PRUNE2: variants seen among roughly 807,000 people sequenced by gnomAD.
PRUNE2 encodes the protein prune homolog 2 with BCH domain, also known as protein prune homolog 2.
In PRUNE2, 164 loss-of-function variants were observed where a neutral mutation model predicts 252.0. The ratio of observed to expected loss-of-function variants is 0.65; its 90% confidence interval spans 0.57 to 0.74. PRUNE2 has a LOEUF of 0.74. Among genes scored for constraint, PRUNE2 ranks in the 30% least tolerant of loss-of-function variants. The pLI, the probability that PRUNE2 is intolerant of heterozygous loss-of-function variation, is 0.00. For synonymous variants in PRUNE2, 1,292 were observed against 1,350.2 expected (o/e 0.96, Z 0.94); for missense variants, 3,495 against 3,711.0 (o/e 0.94, Z 1.51).
Position 76,652,582 on chromosome 9 carries a change from G to C in PRUNE2, c.8458C>G (p.Leu2820Val), listed in dbSNP as rs749364000. Residue 2820 changes from leucine to valine, a missense_variant, in exon 11 of 19, where the codon CTC becomes GTC. By Grantham distance (32) the Leu-to-Val change is conservative. Transcript: ENST00000376718. Reference sequence around the variant, plus strand: ...GGACTGTCCAAGTTATCATCAGAGAGAATAGATCCTTCACTTTGGTCCAGA... The same window carrying C: ...GGACTGTCCAAGTTATCATCAGAGACAATAGATCCTTCACTTTGGTCCAGA... The part of the protein sequence containing the change: ...LSLDQSEGSI[L>V]SDDNLDSPDE... 13 of 1,612,512 alleles carry C rather than the reference G, an allele frequency of 8.1e-6. No individual in the cohort carries two copies. In the East Asian group the frequency reaches 2.9e-4, roughly 36 times the overall value.
chr9:76,645,579 G>A (rs73456048), intron 11 of PRUNE2, among the ~76,000 whole-genome samples: 2,390 of 151,758 alleles, frequency 0.016, 64 homozygotes, highest in African/African-American at 0.054. Flanking sequence ...CAAATTGATG[G>A]GTGCATAAGA....
intron 6 of PRUNE2, among the ~76,000 whole-genome samples, chr9:76,812,984 C>T (rs1289086831): frequency 6.6e-6 from 1 of 152,296 alleles, no homozygotes; most frequent in East Asian, 1.9e-4. Context: ...TCAAAACTCA[C>T]CCCTTCTTAA....
rs558143216 is a variant in PRUNE2 at position 76,883,662 on chromosome 9, T to C, written c.36+22266A>G. Among the ~76,000 whole-genome samples the C allele has an allele frequency of 1.3e-5, 2 of 152,356 alleles. 1 individual carries two copies. Among genetic ancestry groups the C allele is most frequent in the South Asian group, 4.1e-4 (2 of 4,828 alleles). Reference sequence around the variant, plus strand: ...AGGAATTTCAGACACAAGGAGGCACTTGACTGACGCCTGACTCCCTTTTTC... The same window carrying C: ...AGGAATTTCAGACACAAGGAGGCACCTGACTGACGCCTGACTCCCTTTTTC... On this transcript the variant is annotated intron_variant, in intron 1 of 18. Coordinates refer to ENST00000376718, the MANE Select transcript of PRUNE2 (RefSeq NM_015225.3).
intron 9 of PRUNE2, among the ~76,000 whole-genome samples, chr9:76,660,911 T>C (rs558021531): frequency 4.6e-5 from 7 of 151,602 alleles, no homozygotes; most frequent in Admixed American, 1.3e-4. Flanking sequence ...AAAGATGAGC[T>C]CATATAAAAA....
At chr9:76,665,350 G>A (rs912426858) in intron 9 of PRUNE2, among the ~76,000 whole-genome samples, 4 of 152,018 alleles carry the variant, frequency 2.6e-5, no homozygotes, top group African/African-American at 9.7e-5. Context: ...ACAGAATCGG[G>A]ATCTGGGACC....
chr9:76,856,767 T>TTTTG (rs200120428), intron 1 of PRUNE2, among the ~76,000 whole-genome samples: 1 of 152,056 alleles, frequency 6.6e-6, no homozygotes, highest in African/African-American at 2.4e-5. Context: ...TCTTTTTTTT[T>TTTTG]TTCCAAGATG....
chr9:76,754,991 CAAAAAAACAAAA>C (rs2050996131), intron 6 of PRUNE2, among the ~76,000 whole-genome samples: 1 of 145,970 alleles, frequency 6.9e-6, no homozygotes, highest in Non-Finnish European at 1.5e-5. Flanking sequence ...AAAAAAAACC[CAAAAAAACAAAA>C]GCAAAAACAA....
chr9:76,617,166 C>T (rs1351684314), intron 18 of PRUNE2, among the ~76,000 whole-genome samples: 2 of 152,094 alleles, frequency 1.3e-5, no homozygotes, highest in African/African-American at 4.8e-5. Context: ...AAATGAGGTT[C>T]CTTACAAACT....
chr9:76,711,142 G>T lies in PRUNE2; in HGVS notation c.1132C>A (p.Leu378Ile), dbSNP rs185829648. ...ATAATCCCAGAAGACCCCTGGGAGA[G>T]GGGGGCACTGCCTGCCACGGCTTCT... is the stretch of plus-strand genomic sequence containing the variant. The part of the protein sequence containing the change: ...STEAVAGSAP[L>I]SQGSSGIMEL... Residue 378 changes from leucine (L) to isoleucine (I), a missense_variant, in exon 8 of 19, where the codon CTC (leucine) becomes ATC (isoleucine). By Grantham distance (5) the Leu-to-Ile change is conservative (BLOSUM62 2). Coordinates refer to ENST00000376718, the MANE Select transcript of PRUNE2 (RefSeq NM_015225.3). The T allele has an allele frequency of 6.2e-7, 1 of 1,613,660 alleles. No individual in the cohort carries two copies. The highest frequency in any genetic ancestry group is 1.7e-5 in the Admixed American group (1 of 59,992).
rs1246180435 is a variant in PRUNE2 at position 76,709,399 on chromosome 9, C to T, written c.2875G>A (p.Val959Met). The T allele has an allele frequency of 6.2e-7, 1 of 1,613,992 alleles. No individual in the cohort carries two copies. Among genetic ancestry groups the T allele is most frequent in the East Asian group, 2.2e-5 (1 of 44,886 alleles). Residue 959 changes from valine to methionine, a missense_variant, in exon 8 of 19, where the codon GTG becomes ATG. Physicochemically the swap from Val to Met is conservative, Grantham distance 21 (BLOSUM62 1). Transcript: ENST00000376718. ...YSASNLGEDS[V>M]PSPLDTNYST... is the part of the protein sequence containing the mutation. ...TAATTGGTATCTAAGGGGGAAGGCACCGAATCTTCTCCTAGGTTGGATGCA... is the reference window on the plus strand; with the variant it reads ...TAATTGGTATCTAAGGGGGAAGGCATCGAATCTTCTCCTAGGTTGGATGCA...
intron 9 of PRUNE2, among the ~76,000 whole-genome samples, chr9:76,683,133 C>T (rs920352558): frequency 2.6e-5 from 4 of 152,216 alleles, no homozygotes; most frequent in African/African-American, 9.6e-5. Flanking sequence ...TTTCCTTTCC[C>T]GTCAGAGACA....
chr9:76,829,915 A>C (rs942144109), intron 4 of PRUNE2, among the ~76,000 whole-genome samples: 2 of 152,206 alleles, frequency 1.3e-5, no homozygotes, highest in African/African-American at 4.8e-5. Flanking sequence ...AAGGAAATAG[A>C]AGAAATGACT....
At chr9:76,653,196 A>C (rs1192231886) in intron 10 of PRUNE2, among the ~76,000 whole-genome samples, 2 of 152,156 alleles carry the variant, frequency 1.3e-5, no homozygotes, top group Non-Finnish European at 1.5e-5. Context: ...GAAAACTTGA[A>C]ATTGCTATAA....
At position 76,711,910 on chromosome 9, in the gene PRUNE2, C is replaced by T. The variant is rs573063423; in HGVS notation, c.916-552G>A. 5.9e-5 allele frequency among the ~76,000 whole-genome samples: 9 copies of T among 152,230 alleles called. No homozygotes were observed. The South Asian group carries it at 1.5e-3, about 25-fold the overall frequency. The stretch of plus-strand genomic sequence containing the variant: ...CCTCAGTCCCTTTCACCCCAGGTAA[C>T]GGAGGCATGGAGCCCAAAACAGGCA... On this transcript the variant is annotated intron_variant, in intron 7 of 18. Coordinates refer to ENST00000376718, the MANE Select transcript of PRUNE2 (RefSeq NM_015225.3).
At chr9:76,714,586 C>G (rs74817845) in intron 6 of PRUNE2, among the ~76,000 whole-genome samples, 2,755 of 152,164 alleles carry the variant, frequency 0.018, 45 homozygotes, top group East Asian at 0.085. Context: ...TTGTAGGCGT[C>G]AGGTTCTGCC....
intron 6 of PRUNE2, chr9:76,778,361 G>C (rs553926494): frequency 6.6e-6 from 1 of 152,300 alleles, no homozygotes; most frequent in Non-Finnish European, 1.5e-5. Flanking sequence ...TAATTCACTG[G>C]CATGGATGAT....
At chr9:76,885,209 T>C (rs1009660911) in intron 1 of PRUNE2, among the ~76,000 whole-genome samples, 5 of 152,254 alleles carry the variant, frequency 3.3e-5, no homozygotes, top group Non-Finnish European at 5.9e-5. Context: ...CATTCACATA[T>C]TACTTGACTA....
intron 6 of PRUNE2, among the ~76,000 whole-genome samples, chr9:76,725,427 T>G (rs2048027696): frequency 6.6e-6 from 1 of 152,212 alleles, no homozygotes. Context: ...GCAGATATCC[T>G]GATGGGTCTA....
At chr9:76,674,641 TC>T (rs1439511843) in intron 9 of PRUNE2, among the ~76,000 whole-genome samples, 1 of 149,912 alleles carries the variant, frequency 6.7e-6, no homozygotes, top group East Asian at 2.0e-4. Flanking sequence ...GCTGGAGGCA[TC>T]ACACTACCTG....
Sources: gnomAD v4.1 joint callset for allele counts (sites outside exome capture counted in the v4.1 genomes callset) on GRCh38, gnomAD v4.1.1 for gene constraint, MANE v1.5 for transcripts, NCBI Gene and HGNC (gene_info 2026-07-23, HGNC 2026-07-21) for gene names.